KANSL2: variants seen among roughly 807,000 people sequenced by gnomAD.
KANSL2 encodes NSL complex protein NSL2.
KANSL2 carries 34 observed loss-of-function variants against 55.6 expected under a neutral mutation model. That is an observed-to-expected ratio of 0.61 (90% CI 0.46 to 0.81). The LOEUF (loss-of-function observed/expected upper bound fraction) is 0.81. Among genes scored for constraint, KANSL2 ranks in the 40% least tolerant of loss-of-function variants. KANSL2 has a pLI of 0.00. For synonymous variants in KANSL2, 209 were observed against 214.3 expected (o/e 0.98, Z 0.22); for missense variants, 502 against 609.9 (o/e 0.82, Z 1.86).
At chr12:48,671,574 T>TA (rs1385126286) in intron 5 of KANSL2, among the ~76,000 whole-genome samples, 1 of 152,188 alleles carries the variant, frequency 6.6e-6, no homozygotes, top group African/African-American at 2.4e-5. Flanking sequence ...ATACCACTGT[T>TA]ACAACTGCCC....
chr12:48,667,796 T>A lies in KANSL2; in HGVS notation c.877-7A>T. 1 of 1,605,548 alleles carries A rather than the reference T, an allele frequency of 6.2e-7. No individual in the cohort carries two copies. Among genetic ancestry groups the A allele is most frequent in the Non-Finnish European group, 8.5e-7 (1 of 1,172,848 alleles). On this transcript the variant is annotated splice_polypyrimidine_tract_variant and splice_region_variant and intron_variant, in intron 6 of 9. Coordinates refer to ENST00000420613, the MANE Select transcript of KANSL2 (RefSeq NM_017822.4). ...TGGAACGAGTGGTATGGGCCTGAAA[T>A]GGAAAAAGACAGATAAAATAGACCC...
chr12:48,672,435 T>TATATATATA, intron 4 of KANSL2, among the ~76,000 whole-genome samples: 1 of 104,908 alleles, frequency 9.5e-6, no homozygotes, highest in South Asian at 3.6e-4. Context: ...ATATATATAT[T>TATATATATA]TTTTTTTTGA....
intron 6 of KANSL2, 42 bp downstream of exon 6, chr12:48,669,064 T>C (rs1009034809): frequency 1.4e-6 from 2 of 1,403,232 alleles, no homozygotes; most frequent in Admixed American, 6.2e-5. Context: ...AAACAATAAA[T>C]AAAGTGAACG....
chr12:48,668,845 GCC>G (rs1194096917), intron 6 of KANSL2, among the ~76,000 whole-genome samples: 2 of 151,972 alleles, frequency 1.3e-5, no homozygotes, highest in Non-Finnish European at 2.9e-5. Context: ...TTGGAGACCA[GCC>G]TGGCCAACAT....
Position 48,669,365 on chromosome 12 carries a change from A to C in KANSL2, c.710-93T>G, listed in dbSNP as rs1335552825. ...AGTAAACAGGAAAATCCTTGGGCAT[A>C]AGATAGGCAGTTTCAAAAGCAAATG... On this transcript the variant is annotated intron_variant, in intron 5 of 9. Transcript: ENST00000420613. The C allele has an allele frequency of 5.0e-6, 5 of 1,002,752 alleles. No individual in the cohort carries two copies. The South Asian group carries it at 8.7e-5, about 18-fold the overall frequency. 62.1% of individuals were successfully genotyped at this position (1,002,752 alleles called of 1,614,324 possible). A position where few individuals can be genotyped will look rare whatever the true frequency, so the allele number is the denominator to read the frequency against.
rs1167475410 is a variant in KANSL2, at chr12:48,660,564, C to T, written c.1029G>A (p.Glu343=). ...VLFKCCQGSE[E]VPCNKPVPVS... is the part of the protein sequence containing the mutation. Reference sequence around the variant, plus strand: ...CAGGAACAGGTTTGTTGCAGGGTACCTCTTCAGATCCCTGGCAGCACTTGA... The same window carrying T: ...CAGGAACAGGTTTGTTGCAGGGTACTTCTTCAGATCCCTGGCAGCACTTGA... The change falls in exon 8 of 10, where the codon GAG becomes GAA. Residue 343 remains glutamate (E), a synonymous_variant. Coordinates refer to ENST00000420613, the MANE Select transcript of KANSL2 (RefSeq NM_017822.4). 6 of 1,613,214 alleles carry T rather than the reference C, an allele frequency of 3.7e-6. No homozygotes were observed. Among genetic ancestry groups the T allele is most frequent in the Non-Finnish European group, 4.2e-6 (5 of 1,179,548 alleles).
rs758914238 is a variant in KANSL2, at chr12:48,681,653, A to C, written c.-9-12T>G. On this transcript the variant is annotated splice_polypyrimidine_tract_variant and intron_variant, in intron 1 of 9. Coordinates refer to ENST00000420613, the MANE Select transcript of KANSL2 (RefSeq NM_017822.4). The stretch of plus-strand genomic sequence containing the variant: ...TTCATAACCAAAACCTGCGGGGTCA[A>C]ACGAAAGACCAAAAAGCCCTTACCC... The C allele has an allele frequency of 4.3e-6, 7 of 1,613,808 alleles. No individual in the cohort carries two copies. Among genetic ancestry groups the C allele is most frequent in the Non-Finnish European group, 5.9e-6 (7 of 1,179,894 alleles).
intron 2 of KANSL2, 87 bp from the exon 3 acceptor site, chr12:48,679,920 T>A (rs1939889316): frequency 8.6e-7 from 1 of 1,168,426 alleles, no homozygotes; most frequent in African/African-American, 1.6e-5. Flanking sequence ...AAATCATTTT[T>A]AGGGAATTAA....
At chr12:48,681,141 A>AT in intron 2 of KANSL2, 1 of 289,692 alleles carries the variant, frequency 3.5e-6, no homozygotes, top group Non-Finnish European at 6.3e-6. Context: ...AAAAAAAAAA[A>AT]GACTAATTTA....
intron 6 of KANSL2, 32 bp downstream of exon 6, chr12:48,669,074 G>A (rs1040565547): frequency 1.0e-5 from 15 of 1,470,218 alleles, no homozygotes; most frequent in African/African-American, 5.7e-5. Context: ...TAAAGTGAAC[G>A]TATATACCTT....
intron 6 of KANSL2, 67 bp from the exon 7 acceptor site, chr12:48,667,856 G>T: frequency 8.6e-7 from 1 of 1,156,070 alleles, no homozygotes; most frequent in Admixed American, 1.8e-5. Flanking sequence ...GATGAAAATA[G>T]TTATATAAGA....
chr12:48,662,287 T>C (rs1357217388), intron 7 of KANSL2, among the ~76,000 whole-genome samples: 3 of 152,148 alleles, frequency 2.0e-5, no homozygotes, highest in Non-Finnish European at 4.4e-5. Flanking sequence ...ATACTTCTAG[T>C]AGAGACAGGG....
intron 1 of KANSL2, 162 bp downstream of exon 1, chr12:48,682,025 T>A (rs780251953): frequency 8.0e-5 from 56 of 702,872 alleles, no homozygotes; most frequent in Admixed American, 8.0e-5. Context: ...CGCCATTTTG[T>A]CCTACGGCTC....
At chr12:48,678,451 CT>C (rs1051895984) in intron 4 of KANSL2, among the ~76,000 whole-genome samples, 115 of 151,920 alleles carry the variant, frequency 7.6e-4, no homozygotes, top group African/African-American at 2.7e-3. Context: ...TTTTATTCTT[CT>C]TTTTAAAAAA....
chr12:48,681,511 T>C lies in KANSL2; in HGVS notation c.122A>G (p.Glu41Gly), dbSNP rs767770832. The C allele has an allele frequency of 4.3e-6, 7 of 1,613,948 alleles. No individual in the cohort carries two copies. Among genetic ancestry groups the C allele is most frequent in the Non-Finnish European group, 5.9e-6 (7 of 1,179,892 alleles). ...THRPCSHPRL[E>G]GQEFCIKHIL... ...ATGCTTAATGCAAAACTCCTGCCCC[T>C]CCAGACGAGGGTGAGAGCATGGACG... The change falls in exon 2 of 10, where the codon GAG becomes GGG. Residue 41 changes from glutamate (E) to glycine (G), a missense_variant. Transcript: ENST00000420613.
intron 8 of KANSL2, among the ~76,000 whole-genome samples, chr12:48,659,154 C>A (rs973181218): frequency 6.6e-6 from 1 of 151,946 alleles, no homozygotes; most frequent in South Asian, 2.1e-4. Flanking sequence ...ATCAGCAAGG[C>A]CTGCTGGCGC....
intron 5 of KANSL2, among the ~76,000 whole-genome samples, chr12:48,671,242 GCAA>G (rs1263896045): frequency 1.4e-5 from 2 of 143,866 alleles, no homozygotes; most frequent in African/African-American, 5.2e-5. Context: ...TCCAGCCTGG[GCAA>G]CAGAGTGAGA....
chr12:48,669,487 G>A (rs529331244), intron 5 of KANSL2, among the ~76,000 whole-genome samples: 2 of 151,986 alleles, frequency 1.3e-5, no homozygotes, highest in East Asian at 1.9e-4. Context: ...ATACTATGGT[G>A]GTCCCATAAG....
chr12:48,680,081 ATTGG>A (rs1939892808), intron 2 of KANSL2: 1 of 427,752 alleles, frequency 2.3e-6, no homozygotes. Context: ...GAGGCAAGGG[ATTGG>A]GTCTTGCTCT....
Sources: allele counts gnomAD v4.1 joint callset (sites outside exome capture counted in the v4.1 genomes callset), GRCh38; gene constraint gnomAD v4.1.1; transcripts MANE v1.5; gene names NCBI Gene and HGNC (gene_info 2026-07-23, HGNC 2026-07-21).